The following PPM1B variants were observed in gnomAD, a reference collection of about 807,000 sequenced individuals.
The protein encoded by PPM1B is protein phosphatase 1B.
PPM1B carries 22 observed loss-of-function variants against 43.0 expected under a neutral mutation model. That is an observed-to-expected ratio of 0.51 (90% CI 0.37 to 0.73). PPM1B has a LOEUF of 0.73. PPM1B is among the 30% of genes least tolerant of loss of function. PPM1B has a pLI of 0.00. For synonymous variants in PPM1B, 217 were observed against 197.9 expected (o/e 1.10, Z -0.81); for missense variants, 632 against 584.2 (o/e 1.08, Z -0.84).
chr2:44,194,829 T>A (rs567984320), intron 1 of PPM1B, among the ~76,000 whole-genome samples: 2 of 151,924 alleles, frequency 1.3e-5, no homozygotes, highest in African/African-American at 4.8e-5. Flanking sequence ...GGTCCTCAGC[T>A]AAATCTGCTG....
intron 3 of PPM1B, among the ~76,000 whole-genome samples, chr2:44,209,777 CAA>C (rs533636045): frequency 8.9e-4 from 86 of 96,192 alleles, no homozygotes; most frequent in Non-Finnish European, 6.3e-4. Context: ...ACTCCGTCTC[CAA>C]AAAAAAAAAA....
chr2:44,170,745 C>T (rs1036951830), intron 1 of PPM1B, among the ~76,000 whole-genome samples: 1 of 152,168 alleles, frequency 6.6e-6, no homozygotes, highest in Admixed American at 6.5e-5. Flanking sequence ...TTATGATAGT[C>T]TTTTCCAAGT....
intron 3 of PPM1B, among the ~76,000 whole-genome samples, chr2:44,211,928 T>G (rs907187261): frequency 3.3e-5 from 5 of 152,076 alleles, no homozygotes; most frequent in African/African-American, 1.2e-4. Flanking sequence ...TTTGTATGTT[T>G]AGTAGAGAGG....
chr2:44,219,880 T>A (rs1399202097), intron 5 of PPM1B, among the ~76,000 whole-genome samples: 1 of 150,960 alleles, frequency 6.6e-6, no homozygotes, highest in Admixed American at 6.6e-5. Flanking sequence ...GAGGCGGAGG[T>A]TGTGGTGAGC....
At chr2:44,186,153 C>G (rs1373216869) in intron 1 of PPM1B, among the ~76,000 whole-genome samples, 1 of 152,076 alleles carries the variant, frequency 6.6e-6, no homozygotes, top group Non-Finnish European at 1.5e-5. Context: ...TCTCTTTGAA[C>G]TTAAGCTGGT....
Position 44,179,077 on chromosome 2 carries a change from T to C in PPM1B, c.-15+9803T>C, listed in dbSNP as rs541110665. 2.2e-3 allele frequency among the ~76,000 whole-genome samples: 339 copies of C among 152,292 alleles called. 2 individuals carry two copies. The highest frequency in any genetic ancestry group is 7.9e-3 in the African/African-American group (330 of 41,574). ...TTGAATCATGGGGACAGGTCTTTCC[T>C]GTGCTGTTCTCATGATAATGAGTAA... On this transcript the variant is annotated intron_variant, in intron 1 of 5. Transcript: ENST00000282412.
chr2:44,211,813 G>C (rs1043189645), intron 3 of PPM1B, among the ~76,000 whole-genome samples: 1 of 135,278 alleles, frequency 7.4e-6, no homozygotes, highest in South Asian at 2.5e-4. Flanking sequence ...GCAATGGCAT[G>C]ATCTTGGCTT....
In PPM1B at chr2:44,208,297, C is replaced by T. The variant is rs144741066; in HGVS notation, c.847-913C>T. Among the ~76,000 whole-genome samples the T allele has an allele frequency of 3.6e-3, 544 of 152,336 alleles. 3 individuals are homozygous for T. Among genetic ancestry groups the T allele is most frequent in the African/African-American group, 0.012 (504 of 41,578 alleles). On this transcript the variant is annotated intron_variant, in intron 2 of 5. Transcript: ENST00000282412. ...CCACTTTATAAAGATTCTGAAACTA[C>T]TTGCGACTATATAGCAATCTGATGT...
At chr2:44,193,066 G>T (rs1231107904) in intron 1 of PPM1B, among the ~76,000 whole-genome samples, 1 of 152,166 alleles carries the variant, frequency 6.6e-6, no homozygotes, top group Non-Finnish European at 1.5e-5. Context: ...ACTGAATTCA[G>T]TTCCTTAGGG....
At chr2:44,178,300 C>A (rs1447838377) in intron 1 of PPM1B, among the ~76,000 whole-genome samples, 1 of 151,892 alleles carries the variant, frequency 6.6e-6, no homozygotes, top group Admixed American at 6.6e-5. Flanking sequence ...AAACCATTTA[C>A]ATGCCATATA....
chr2:44,179,381 G>A (rs986446432), intron 1 of PPM1B, among the ~76,000 whole-genome samples: 2 of 152,202 alleles, frequency 1.3e-5, no homozygotes. Flanking sequence ...ATCTCTATTA[G>A]CATTAGCCTC....
chr2:44,239,124 C>CA (rs1199325983), downstream of PPM1B, among the ~76,000 whole-genome samples: 1 of 118,740 alleles, frequency 8.4e-6, no homozygotes, highest in East Asian at 2.8e-4. Flanking sequence ...CAGTGAGCTA[C>CA]AAATGGATCA....
At chr2:44,205,332 A>AGTGCCT (rs2104151214) in intron 2 of PPM1B, among the ~76,000 whole-genome samples, 1 of 141,462 alleles carries the variant, frequency 7.1e-6, no homozygotes, top group African/African-American at 2.7e-5. Flanking sequence ...AATAAAGAAG[A>AGTGCCT]GTGGGTGTGG....
At chr2:44,181,038 A>G (rs1033147949) in intron 1 of PPM1B, among the ~76,000 whole-genome samples, 1 of 152,012 alleles carries the variant, frequency 6.6e-6, no homozygotes, top group Non-Finnish European at 1.5e-5. Context: ...TCGATCTCCT[A>G]GGTTCAAGCA....
intron 5 of PPM1B, chr2:44,244,116 T>C (rs989684331): frequency 1.2e-5 from 5 of 404,414 alleles, no homozygotes; most frequent in African/African-American, 4.3e-5. Context: ...CAGTATATTT[T>C]AAATGTATAC....
chr2:44,199,312 AAAAAATAAAAAT>A (rs1171229849), intron 1 of PPM1B, among the ~76,000 whole-genome samples: 15,228 of 129,566 alleles, frequency 0.12, 947 homozygotes, highest in South Asian at 0.2. Context: ...TCAAAAAAAA[AAAAAATAAAAAT>A]AAAAAAAAAA....
chr2:44,234,692 T>TTATA (rs1395530542), downstream of PPM1B: 3 of 811,222 alleles, frequency 3.7e-6, no homozygotes, highest in African/African-American at 5.6e-5. Flanking sequence ...GAGGACCCAC[T>TTATA]TATACTCTTA....
chr2:44,192,193 A>ATTGTATTGTG (rs1558400427), intron 1 of PPM1B, among the ~76,000 whole-genome samples: 1 of 104,086 alleles, frequency 9.6e-6, no homozygotes, highest in African/African-American at 3.8e-5. Flanking sequence ...ATGTTATGGT[A>ATTGTATTGTG]TTGTATTGTA....
chr2:44,246,071 A>G (rs761946997), downstream of PPM1B, among the ~76,000 whole-genome samples: 5 of 152,178 alleles, frequency 3.3e-5, no homozygotes, highest in South Asian at 2.1e-4. Flanking sequence ...GATTACCATT[A>G]TATATCCTAA....
Sources: allele counts gnomAD v4.1 joint callset (sites outside exome capture counted in the v4.1 genomes callset), GRCh38; gene constraint gnomAD v4.1.1; transcripts MANE v1.5; gene names NCBI Gene and HGNC (gene_info 2026-07-23, HGNC 2026-07-21).